Variants in CNTNAP2 observed in about 807,000 individuals in gnomAD.
CNTNAP2 encodes the protein contactin-associated protein-like 2.
A neutral mutation model predicts 155.2 loss-of-function variants in CNTNAP2; 98 were observed. The ratio of observed to expected loss-of-function variants is 0.63; its 90% CI spans 0.54 to 0.75. The LOEUF is 0.75. Among genes scored for constraint, CNTNAP2 ranks in the 30% least tolerant of loss-of-function variants. The pLI is 0.00. For synonymous variants in CNTNAP2, 651 were observed against 631.2 expected (o/e 1.03, Z -0.47); for missense variants, 1,727 against 1,688.1 (o/e 1.02, Z -0.40).
intron 3 of CNTNAP2, among the ~76,000 whole-genome samples, chr7:146,920,634 A>G (rs1796480946): frequency 6.6e-6 from 1 of 152,196 alleles, no homozygotes; most frequent in South Asian, 2.1e-4. Context: ...ATAATTTCAC[A>G]CTGTAGCCGT....
intron 13 of CNTNAP2, among the ~76,000 whole-genome samples, chr7:147,808,047 T>C (rs1798121795): frequency 6.6e-6 from 1 of 152,162 alleles, no homozygotes; most frequent in African/African-American, 2.4e-5. Context: ...AAATTTTGAC[T>C]TGACATGTCT....
intron 1 of CNTNAP2, among the ~76,000 whole-genome samples, chr7:146,389,223 TC>T (rs1795504780): frequency 2.3e-5 from 3 of 133,206 alleles, no homozygotes; most frequent in Non-Finnish European, 4.9e-5. Flanking sequence ...TAGGAAATAG[TC>T]ACACACACAC....
At chr7:147,260,548 A>T (rs1309940543) in intron 8 of CNTNAP2, among the ~76,000 whole-genome samples, 2 of 152,212 alleles carry the variant, frequency 1.3e-5, no homozygotes, top group African/African-American at 4.8e-5. Context: ...AATGGAAATT[A>T]AATGTGTACT....
chr7:146,459,083 T>C (rs1232526222), intron 1 of CNTNAP2, among the ~76,000 whole-genome samples: 2 of 152,170 alleles, frequency 1.3e-5, no homozygotes, highest in Non-Finnish European at 2.9e-5. Flanking sequence ...TTCTTTCAAA[T>C]GTAACTCACA....
chr7:147,631,076 A>G (rs1795078568), intron 12 of CNTNAP2, among the ~76,000 whole-genome samples: 1 of 152,138 alleles, frequency 6.6e-6, no homozygotes, highest in Non-Finnish European at 1.5e-5. Context: ...AGAAAACCCT[A>G]AAGATTCATC....
rs111492909 is a variant in CNTNAP2, at chr7:147,942,109, T to C, written c.2256-35753T>C. 6.1e-3 allele frequency among the ~76,000 whole-genome samples: 935 copies of C among 152,346 alleles called. 8 individuals are homozygous for C. The highest frequency in any genetic ancestry group is 0.022 in the African/African-American group (906 of 41,574). The stretch of plus-strand genomic sequence containing the variant: ...CCTCACTGCTATTTCTGAGGTTCTT[T>C]ATGTCCTTAGTGTTTGGCAGGGCTC... On this transcript the variant is annotated intron_variant, in intron 14 of 23. Transcript: ENST00000361727.
chr7:146,942,501 A>T (rs913782790), intron 3 of CNTNAP2, among the ~76,000 whole-genome samples: 2 of 152,200 alleles, frequency 1.3e-5, no homozygotes, highest in Non-Finnish European at 2.9e-5. Context: ...ATGTTTCAAA[A>T]TGATTGTAAC....
intron 15 of CNTNAP2, among the ~76,000 whole-genome samples, chr7:148,092,839 C>A (rs1803872429): frequency 2.2e-5 from 3 of 133,346 alleles, no homozygotes; most frequent in African/African-American, 5.7e-5. Flanking sequence ...ATTAGACATG[C>A]AAAGAGGGTT....
At chr7:147,661,884 C>T (rs1795617048) in intron 13 of CNTNAP2, among the ~76,000 whole-genome samples, 1 of 152,122 alleles carries the variant, frequency 6.6e-6, no homozygotes, top group Admixed American at 6.5e-5. Flanking sequence ...AGCTATTCTA[C>T]AGCCTGCACC....
intron 10 of CNTNAP2, among the ~76,000 whole-genome samples, chr7:147,470,775 C>T (rs1358340838): frequency 2.6e-5 from 4 of 151,738 alleles, no homozygotes; most frequent in African/African-American, 9.7e-5. Flanking sequence ...CTAGTAGATA[C>T]CTAACTGCAG....
At chr7:146,489,890 A>G (rs991286673) in intron 1 of CNTNAP2, among the ~76,000 whole-genome samples, 2 of 152,068 alleles carry the variant, frequency 1.3e-5, no homozygotes, top group African/African-American at 4.8e-5. Context: ...GACTGGTTTG[A>G]GTATGCAAAA....
chr7:147,687,641 G>A (rs577039609), intron 13 of CNTNAP2, among the ~76,000 whole-genome samples: 16 of 152,074 alleles, frequency 1.1e-4, no homozygotes, highest in African/African-American at 3.9e-4. Flanking sequence ...GGTAGGAGGA[G>A]TAATTTAACC....
chr7:147,379,742 G>T (rs1306238886), intron 9 of CNTNAP2, among the ~76,000 whole-genome samples: 1 of 152,024 alleles, frequency 6.6e-6, no homozygotes, highest in South Asian at 2.1e-4. Flanking sequence ...GCATTTTTAG[G>T]TTTTATGTGG....
chr7:146,729,937 A>G (rs344460), intron 1 of CNTNAP2, among the ~76,000 whole-genome samples: 5,595 of 152,260 alleles, frequency 0.037, 121 homozygotes, highest in Middle Eastern at 0.068. Context: ...TAGGTAATCA[A>G]TCTTAACAAT....
intron 13 of CNTNAP2, among the ~76,000 whole-genome samples, chr7:147,871,562 A>C (rs1799326362): frequency 6.6e-6 from 1 of 151,914 alleles, no homozygotes; most frequent in Non-Finnish European, 1.5e-5. Context: ...ATCAGCCCCC[A>C]CTACAGCCAT....
chr7:146,225,595 G>T (rs1799280272), intron 1 of CNTNAP2, among the ~76,000 whole-genome samples: 1 of 152,154 alleles, frequency 6.6e-6, no homozygotes, highest in East Asian at 1.9e-4. Context: ...CATATTATGT[G>T]CCAGGGAGAC....
chr7:147,850,695 G>T lies in CNTNAP2; in HGVS notation c.2099-52870G>T, dbSNP rs924021694. ...GAAAAGATTCCCTGTTTAATAAATAGTGCTGGGAAAACTGGCTAGCCATAT... is the reference window on the plus strand; with the variant it reads ...GAAAAGATTCCCTGTTTAATAAATATTGCTGGGAAAACTGGCTAGCCATAT... On this transcript the variant is annotated intron_variant, in intron 13 of 23. Coordinates refer to ENST00000361727, the MANE Select transcript of CNTNAP2 (RefSeq NM_014141.6). Among the ~76,000 whole-genome samples the T allele has an allele frequency of 4.6e-5, 7 of 152,306 alleles. No homozygotes were observed. The East Asian group carries it at 9.6e-4, about 21-fold the overall frequency.
rs962487649 is a variant in CNTNAP2 at position 146,352,884 on chromosome 7, C to A, written c.97+235911C>A. 2.5e-3 allele frequency among the ~76,000 whole-genome samples: 375 copies of A among 149,606 alleles called. 1 individual carries two copies. The highest frequency in any genetic ancestry group is 8.0e-3 in the African/African-American group (325 of 40,496). Reference sequence around the variant, plus strand: ...ATTCTCCTGCCTCAGCCTCCCTAGTCGCTAGGACTACAGGCACCCGCCACC... The same window carrying A: ...ATTCTCCTGCCTCAGCCTCCCTAGTAGCTAGGACTACAGGCACCCGCCACC... On this transcript the variant is annotated intron_variant, in intron 1 of 23. Transcript: ENST00000361727.
intron 15 of CNTNAP2, among the ~76,000 whole-genome samples, chr7:148,112,415 GTATTAT>G (rs34816770): frequency 0.038 from 5,652 of 148,598 alleles, 362 homozygotes; most frequent in African/African-American, 0.13. Context: ...CTAAATTTTA[GTATTAT>G]TATTATTATT....
Sources: allele counts gnomAD v4.1 joint callset (sites outside exome capture counted in the v4.1 genomes callset), GRCh38; gene constraint gnomAD v4.1.1; transcripts MANE v1.5; gene names NCBI Gene and HGNC (gene_info 2026-07-23, HGNC 2026-07-21).